FCHO2: variants seen among roughly 807,000 people sequenced by gnomAD.
The protein encoded by FCHO2 is F-BAR domain only protein 2.
In FCHO2, 43 loss-of-function variants were observed where a neutral mutation model predicts 114.1. That is an observed-to-expected ratio of 0.38 (90% CI 0.30 to 0.49). The LOEUF is 0.49. Ranked by LOEUF, FCHO2 falls within the 20% of genes least tolerant of loss-of-function variation. The pLI, the probability that FCHO2 is intolerant of heterozygous loss-of-function variation, is 0.97. For synonymous variants in FCHO2, 293 were observed against 315.2 expected, an observed-to-expected ratio of 0.93 and a Z score of 0.75; for missense variants, 807 against 950.4, an observed-to-expected ratio of 0.85 and a Z score of 1.98.
At chr5:72,960,832 C>G (rs1751817913) in intron 1 of FCHO2, among the ~76,000 whole-genome samples, 1 of 151,972 alleles carries the variant, frequency 6.6e-6, no homozygotes, top group African/African-American at 2.4e-5. Flanking sequence ...CAGAGTAATC[C>G]CAATCTATAT....
chr5:72,958,510 G>T (rs924569958), intron 1 of FCHO2, among the ~76,000 whole-genome samples: 1 of 152,138 alleles, frequency 6.6e-6, no homozygotes, highest in African/African-American at 2.4e-5. Context: ...ATTCATTTCT[G>T]TATTTTCAAT....
intron 2 of FCHO2, among the ~76,000 whole-genome samples, chr5:72,981,640 T>C (rs1036758888): frequency 5.9e-5 from 9 of 152,358 alleles, no homozygotes; most frequent in African/African-American, 1.9e-4. Context: ...GCTTTGTTTG[T>C]TCCTTTTCAT....
At chr5:73,068,166 T>C (rs1289348618) in intron 18 of FCHO2, among the ~76,000 whole-genome samples, 1 of 152,058 alleles carries the variant, frequency 6.6e-6, no homozygotes, top group Non-Finnish European at 1.5e-5. Flanking sequence ...CCTCCCCAAA[T>C]TACATCAACC....
chr5:72,997,465 G>A, intron 5 of FCHO2: 2 of 1,584,270 alleles, frequency 1.3e-6, no homozygotes, highest in East Asian at 4.5e-5. Flanking sequence ...TTGTGATCCT[G>A]GCTAACTCTC....
chr5:73,005,031 A>G (rs1457470002), intron 5 of FCHO2, among the ~76,000 whole-genome samples: 7 of 152,168 alleles, frequency 4.6e-5, no homozygotes, highest in Non-Finnish European at 1.0e-4. Flanking sequence ...CCAGAATTTC[A>G]GTTGAATTTC....
At chr5:73,066,961 A>G (rs940999863) in intron 18 of FCHO2, among the ~76,000 whole-genome samples, 1 of 152,082 alleles carries the variant, frequency 6.6e-6, no homozygotes. Flanking sequence ...TAGTAGCCAC[A>G]TAGAAAAACA....
At chr5:72,992,253 T>A (rs532652522) in intron 5 of FCHO2, among the ~76,000 whole-genome samples, 1 of 152,306 alleles carries the variant, frequency 6.6e-6, no homozygotes, top group South Asian at 2.1e-4. Context: ...TGTGTTTGTA[T>A]AATAAATAAA....
chr5:72,996,727 G>A (rs1754127998), intron 5 of FCHO2, among the ~76,000 whole-genome samples: 1 of 152,070 alleles, frequency 6.6e-6, no homozygotes, highest in Non-Finnish European at 1.5e-5. Flanking sequence ...CCAGCTCCCC[G>A]TTCCGCTGGG....
chr5:72,965,537 A>G (rs1752156046), intron 1 of FCHO2, among the ~76,000 whole-genome samples: 1 of 152,218 alleles, frequency 6.6e-6, no homozygotes, highest in Non-Finnish European at 1.5e-5. Context: ...GCTCAATAAA[A>G]GAAAGTACAG....
intron 5 of FCHO2, among the ~76,000 whole-genome samples, chr5:73,002,994 C>T (rs548914668): frequency 5.3e-5 from 8 of 152,012 alleles, no homozygotes; most frequent in Middle Eastern, 3.4e-3. Flanking sequence ...CAATCTTTCC[C>T]GTTTTATTTT....
chr5:73,055,839 T>A (rs1427952478), intron 15 of FCHO2, among the ~76,000 whole-genome samples: 2 of 152,174 alleles, frequency 1.3e-5, no homozygotes, highest in Non-Finnish European at 2.9e-5. Flanking sequence ...TTAATTGACT[T>A]AAGTCATTTC....
intron 23 of FCHO2, among the ~76,000 whole-genome samples, chr5:73,082,241 G>T (rs1743118764): frequency 6.8e-6 from 1 of 147,358 alleles, no homozygotes; most frequent in Non-Finnish European, 1.5e-5. Context: ...TAGGCAGAGT[G>T]CTTGACCTCT....
chr5:72,972,770 G>C (rs1411085696), intron 2 of FCHO2, among the ~76,000 whole-genome samples: 1 of 152,098 alleles, frequency 6.6e-6, no homozygotes, highest in Non-Finnish European at 1.5e-5. Flanking sequence ...GGGCATCCCT[G>C]TCTTGTGCCA....
chr5:73,008,050 G>A (rs1754812679), intron 6 of FCHO2, among the ~76,000 whole-genome samples: 1 of 152,178 alleles, frequency 6.6e-6, no homozygotes, highest in South Asian at 2.1e-4. Context: ...ACCTGAGTAA[G>A]GGAAAATGGT....
intron 24 of FCHO2, among the ~76,000 whole-genome samples, chr5:73,086,234 G>C (rs1036089537): frequency 1.3e-5 from 2 of 152,212 alleles, no homozygotes; most frequent in Non-Finnish European, 2.9e-5. Flanking sequence ...CAAGGTTGTT[G>C]CTCTTGGTCT....
At position 72,997,279 on chromosome 5, in the gene FCHO2, G is replaced by A. The variant is rs187187159; in HGVS notation, c.495+6415G>A. 73 of 1,344,098 alleles carry A rather than the reference G, an allele frequency of 5.4e-5. No homozygotes were observed. In the African/African-American group the frequency reaches 9.0e-4, roughly 17 times the overall value. 83.3% of individuals were successfully genotyped at this position (1,344,098 alleles called of 1,614,324 possible). On this transcript the variant is annotated intron_variant, in intron 5 of 25. Coordinates refer to ENST00000430046, the MANE Select transcript of FCHO2 (RefSeq NM_138782.3). ...ATTTCTTTTTGGAAGTCGTGAGCGA[G>A]TGGTGGGAGCTGGTAGTGTTTATAG...
intron 9 of FCHO2, 76 bp downstream of exon 9, chr5:73,034,777 G>C: frequency 1.6e-6 from 2 of 1,216,366 alleles, no homozygotes; most frequent in Non-Finnish European, 2.3e-6. Flanking sequence ...CAAATAAGGA[G>C]GGACTGCTAT....
intron 2 of FCHO2, among the ~76,000 whole-genome samples, chr5:72,976,317 G>A (rs554642763): frequency 6.6e-6 from 1 of 152,172 alleles, no homozygotes; most frequent in African/African-American, 2.4e-5. Context: ...GGCCTCAAGT[G>A]ATCCTCCTTG....
chr5:73,052,357 A>G lies in FCHO2; in HGVS notation c.1023A>G (p.Ser341=). 4.4e-6 allele frequency: 7 copies of G among 1,609,040 alleles called. No individual in the cohort carries two copies. The highest frequency in any genetic ancestry group is 5.9e-6 in the Non-Finnish European group (7 of 1,177,504). Residue 341 remains serine, a synonymous_variant, in exon 13 of 26, where the codon TCA becomes TCG. Transcript: ENST00000430046. ...QNDTKENHFY[S]SSDSDSEDEE... The stretch of plus-strand genomic sequence containing the variant: ...ATACCAAAGAGAACCATTTCTACTC[A>G]TCTAGTGATTCTGACTCCGAAGATG...
Sources: gnomAD v4.1 joint callset for allele counts (sites outside exome capture counted in the v4.1 genomes callset) on GRCh38, gnomAD v4.1.1 for gene constraint, MANE v1.5 for transcripts, NCBI Gene and HGNC (gene_info 2026-07-23, HGNC 2026-07-21) for gene names.